The following ADGRB3 variants were observed in gnomAD, a reference collection of about 807,000 sequenced individuals.
The protein encoded by ADGRB3 is adhesion G protein-coupled receptor B3.
A neutral mutation model predicts 193.4 loss-of-function variants in ADGRB3; 37 were observed. The observed-to-expected ratio is 0.19, with a 90% confidence interval of 0.15 to 0.25. The LOEUF (loss-of-function observed/expected upper bound fraction) is 0.25. Among genes scored for constraint, ADGRB3 ranks in the 10% least tolerant of loss-of-function variants. The probability of loss-of-function intolerance (pLI) is 1.00; values close to 1 mark genes in which losing one functional copy is unlikely to be tolerated. For missense variants in ADGRB3, 1,637 were observed against 1,852.9 expected, an observed-to-expected ratio of 0.88 and a Z score of 2.14; for synonymous variants, 690 against 644.2, an observed-to-expected ratio of 1.07 and a Z score of -1.08.
intron 20 of ADGRB3, among the ~76,000 whole-genome samples, chr6:69,324,387 C>A (rs559051272): frequency 1.3e-5 from 2 of 152,190 alleles, no homozygotes; most frequent in East Asian, 3.9e-4. Flanking sequence ...TGTATAAGAG[C>A]AAACTAATCT....
At chr6:69,041,306 TCATAGA>T (rs910287697) in intron 13 of ADGRB3, among the ~76,000 whole-genome samples, 3 of 151,944 alleles carry the variant, frequency 2.0e-5, no homozygotes, top group Non-Finnish European at 4.4e-5. Flanking sequence ...ATACGATTTT[TCATAGA>T]CATAAAGATT....
At chr6:68,873,666 T>G (rs1032495411) in intron 3 of ADGRB3, among the ~76,000 whole-genome samples, 3 of 152,138 alleles carry the variant, frequency 2.0e-5, no homozygotes, top group Non-Finnish European at 4.4e-5. Context: ...CCTTAAATTA[T>G]TGACTATGAA....
chr6:69,210,947 C>T lies in ADGRB3; in HGVS notation c.2481-22343C>T, dbSNP rs182550009. Among the ~76,000 whole-genome samples, 57 of 150,086 alleles carry T rather than the reference C, an allele frequency of 3.8e-4. No individual in the cohort carries two copies. The Middle Eastern group carries it at 0.01, about 27-fold the overall frequency. ...TGGCTAACACGGTGAAACCCCGTCT[C>T]TACCAAAAATACAAAAAAAAAAAAA... On this transcript the variant is annotated intron_variant, in intron 17 of 31. Transcript: ENST00000370598.
intron 3 of ADGRB3, among the ~76,000 whole-genome samples, chr6:68,858,820 G>A (rs1765067837): frequency 6.6e-6 from 1 of 152,084 alleles, no homozygotes; most frequent in Non-Finnish European, 1.5e-5. Flanking sequence ...GGAGGCCCTG[G>A]GCCTGGCCAA....
chr6:69,098,644 A>T (rs1044225489), intron 17 of ADGRB3, among the ~76,000 whole-genome samples: 1 of 152,186 alleles, frequency 6.6e-6, no homozygotes, highest in African/African-American at 2.4e-5. Flanking sequence ...ATAACACCCC[A>T]TGATCCAAAT....
At chr6:69,221,674 G>A (rs770203847) in intron 17 of ADGRB3, among the ~76,000 whole-genome samples, 10 of 152,040 alleles carry the variant, frequency 6.6e-5, no homozygotes, top group Non-Finnish European at 1.3e-4. Context: ...CTAGTTTTGT[G>A]GAATTTCGTA....
At chr6:69,254,355 C>G (rs1196257006) in intron 20 of ADGRB3, among the ~76,000 whole-genome samples, 1 of 152,104 alleles carries the variant, frequency 6.6e-6, no homozygotes, top group Non-Finnish European at 1.5e-5. Context: ...GTTATTAATA[C>G]AGCCTGGTCC....
At chr6:68,777,606 TA>T (rs754220729) in intron 3 of ADGRB3, among the ~76,000 whole-genome samples, 1 of 119,264 alleles carries the variant, frequency 8.4e-6, no homozygotes, top group South Asian at 3.0e-4. Flanking sequence ...TCTTTAGTAC[TA>T]AAAAAAATTG....
In ADGRB3 at chr6:68,887,577, C is replaced by T. The variant is rs554127719; in HGVS notation, c.758-42982C>T. On this transcript the variant is annotated intron_variant, in intron 3 of 31. Coordinates refer to ENST00000370598, the MANE Select transcript of ADGRB3 (RefSeq NM_001704.3). The stretch of plus-strand genomic sequence containing the variant: ...CTGCTATTATAATGGAAAAAAATTT[C>T]TGTGCCATGATAAAAAATCAAGATG... 5.9e-5 allele frequency among the ~76,000 whole-genome samples: 9 copies of T among 152,146 alleles called. No individual in the cohort carries two copies. In the South Asian group the frequency reaches 1.7e-3, roughly 28 times the overall value.
At chr6:69,004,805 TG>T (rs918440826) in intron 11 of ADGRB3, among the ~76,000 whole-genome samples, 2 of 152,046 alleles carry the variant, frequency 1.3e-5, no homozygotes, top group Non-Finnish European at 2.9e-5. Context: ...ATTTTGGGGT[TG>T]GGGGGTGCTG....
At chr6:68,953,847 G>C (rs967025887) in intron 6 of ADGRB3, among the ~76,000 whole-genome samples, 1 of 152,132 alleles carries the variant, frequency 6.6e-6, no homozygotes, top group Non-Finnish European at 1.5e-5. Context: ...TGTTTATTTG[G>C]ATGGATTTTC....
At chr6:68,769,458 T>A (rs187299549) in intron 3 of ADGRB3, among the ~76,000 whole-genome samples, 1 of 152,306 alleles carries the variant, frequency 6.6e-6, no homozygotes, top group East Asian at 1.9e-4. Flanking sequence ...AAACACCGCT[T>A]GTTCTCACTC....
chr6:68,955,253 G>C (rs971762354), intron 6 of ADGRB3, among the ~76,000 whole-genome samples: 7 of 152,094 alleles, frequency 4.6e-5, no homozygotes, highest in Admixed American at 3.9e-4. Context: ...AAGACTCTCT[G>C]GACCTTCCAA....
At chr6:68,701,217 G>T (rs1355473249) in intron 3 of ADGRB3, among the ~76,000 whole-genome samples, 8 of 152,034 alleles carry the variant, frequency 5.3e-5, no homozygotes, top group Non-Finnish European at 8.8e-5. Flanking sequence ...ACTAAATCTC[G>T]CAGTGTTGAA....
At chr6:69,345,146 G>A (rs71557618) in intron 26 of ADGRB3, among the ~76,000 whole-genome samples, 8,627 of 152,170 alleles carry the variant, frequency 0.057, 336 homozygotes, top group Non-Finnish European at 0.086. Flanking sequence ...GAGTGGTCTC[G>A]TAAAGAAAGA....
At chr6:69,338,859 T>G in intron 24 of ADGRB3, 57 bp from the exon 25 acceptor site, 16 of 1,505,992 alleles carry the variant, frequency 1.1e-5, no homozygotes, top group Non-Finnish European at 1.5e-5. Flanking sequence ...GCAGCAATTT[T>G]TTTTTGGTGA....
intron 17 of ADGRB3, among the ~76,000 whole-genome samples, chr6:69,195,955 T>C (rs1765285587): frequency 6.6e-6 from 1 of 152,144 alleles, no homozygotes. Context: ...TCTACTGATA[T>C]CCATGAGCAT....
chr6:69,128,005 AAAG>A (rs1773904438), intron 17 of ADGRB3, among the ~76,000 whole-genome samples: 1 of 152,132 alleles, frequency 6.6e-6, no homozygotes, highest in Admixed American at 6.5e-5. Flanking sequence ...TCTCGAGAGA[AAAG>A]AAATGAAATG....
chr6:68,803,145 T>A (rs767343860), intron 3 of ADGRB3, among the ~76,000 whole-genome samples: 1 of 152,204 alleles, frequency 6.6e-6, no homozygotes, highest in Non-Finnish European at 1.5e-5. Context: ...TTTATCTTAC[T>A]GGATTGCCCT....
Sources: allele counts gnomAD v4.1 joint callset (sites outside exome capture counted in the v4.1 genomes callset), GRCh38; gene constraint gnomAD v4.1.1; transcripts MANE v1.5; gene names NCBI Gene and HGNC (gene_info 2026-07-23, HGNC 2026-07-21).